Variants in CMSS1 observed in about 807,000 individuals in gnomAD.
The protein encoded by CMSS1 is cms1 ribosomal small subunit homolog.
CMSS1 carries 33 observed loss-of-function variants against 43.5 expected under a neutral mutation model. That is an observed-to-expected ratio of 0.76 (90% CI 0.57 to 1.01). CMSS1 has a LOEUF of 1.01. Ranked by LOEUF, CMSS1 falls within the 50% of genes least tolerant of loss-of-function variation. The pLI is 0.00. For synonymous variants in CMSS1, 115 were observed against 117.2 expected, an observed-to-expected ratio of 0.98 and a Z score of 0.12; for missense variants, 313 against 326.4, an observed-to-expected ratio of 0.96 and a Z score of 0.32.
intron 1 of CMSS1, among the ~76,000 whole-genome samples, chr3:100,054,031 A>G (rs2065419717): frequency 6.6e-6 from 1 of 152,220 alleles, no homozygotes; most frequent in Non-Finnish European, 1.5e-5. Flanking sequence ...TATTCTCCCC[A>G]AGGCTTTGAA....
intron 1 of CMSS1, among the ~76,000 whole-genome samples, chr3:99,980,816 TG>T (rs1709099550): frequency 6.6e-6 from 1 of 152,150 alleles, no homozygotes; most frequent in Admixed American, 6.5e-5. Context: ...GTGAGTGACA[TG>T]TTCTAGCTAT....
intron 1 of CMSS1, among the ~76,000 whole-genome samples, chr3:99,845,006 G>T (rs755661544): frequency 3.9e-5 from 6 of 152,118 alleles, no homozygotes; most frequent in Non-Finnish European, 8.8e-5. Flanking sequence ...ATTCTTTATA[G>T]CAGTATAAAA....
intron 1 of CMSS1, among the ~76,000 whole-genome samples, chr3:100,017,491 C>G (rs1240422770): frequency 6.6e-6 from 1 of 152,230 alleles, no homozygotes; most frequent in Non-Finnish European, 1.5e-5. Flanking sequence ...TACCTGGCAC[C>G]TACCAAATGA....
At chr3:99,964,319 C>T (rs1322214875) in intron 1 of CMSS1, 1 of 149,660 alleles carries the variant, frequency 6.7e-6, no homozygotes, top group Admixed American at 6.6e-5. Context: ...TTCTCCCTAG[C>T]CCAGTACAAG....
At chr3:100,051,291 G>A (rs1344343212) in intron 1 of CMSS1, 1 of 151,844 alleles carries the variant, frequency 6.6e-6, no homozygotes, top group Non-Finnish European at 1.5e-5. Context: ...GAATAATCCA[G>A]AAGACTGAAA....
Position 100,117,830 on chromosome 3 carries a change from TATATATATATATATATATATATAC to T in CMSS1, c.65-29119_65-29096del, listed in dbSNP as rs1348402302. 4.1e-4 allele frequency among the ~76,000 whole-genome samples: 36 copies of T among 87,762 alleles called. 1 individual carries two copies. The highest frequency in any genetic ancestry group is 1.2e-3 in the African/African-American group (23 of 19,000). 57.6% of individuals were successfully genotyped at this position (87,762 alleles called of 152,430 possible). ...CAATGGATAGATAAACTGCAGTATA[TATATATATATATATATATATATAC>T]ATATATATATATATATATATATATA... is the stretch of plus-strand genomic sequence containing the variant. On this transcript the variant is annotated intron_variant, in intron 1 of 9. Coordinates refer to ENST00000421999, the MANE Select transcript of CMSS1 (RefSeq NM_032359.4).
intron 1 of CMSS1, chr3:99,850,961 CAA>C: frequency 6.2e-7 from 1 of 1,614,160 alleles, no homozygotes; most frequent in Non-Finnish European, 8.5e-7. Flanking sequence ...ACCATCAAAG[CAA>C]AAGACTTCAG....
intron 1 of CMSS1, among the ~76,000 whole-genome samples, chr3:99,873,311 T>C (rs893544628): frequency 1.3e-5 from 2 of 152,224 alleles, no homozygotes; most frequent in Admixed American, 1.3e-4. Context: ...TCGTTTAAAA[T>C]TAATATGTCC....
At chr3:100,082,384 G>A (rs2065945886) in intron 1 of CMSS1, among the ~76,000 whole-genome samples, 1 of 152,126 alleles carries the variant, frequency 6.6e-6, no homozygotes, top group Non-Finnish European at 1.5e-5. Context: ...TGGGGAGAGA[G>A]GTCAAAATTT....
intron 1 of CMSS1, among the ~76,000 whole-genome samples, chr3:100,005,138 TACTC>T (rs1709952380): frequency 1.3e-5 from 2 of 152,218 alleles, no homozygotes; most frequent in African/African-American, 2.4e-5. Context: ...AACCTTATCT[TACTC>T]AAGGAAGTGG....
chr3:99,992,363 C>T (rs1423459688), intron 1 of CMSS1, among the ~76,000 whole-genome samples: 1 of 152,030 alleles, frequency 6.6e-6, no homozygotes, highest in African/African-American at 2.4e-5. Context: ...AATAGCCATT[C>T]TGACTGATAT....
chr3:99,914,289 T>C, intron 1 of CMSS1, among the ~76,000 whole-genome samples: 1 of 152,202 alleles, frequency 6.6e-6, no homozygotes, highest in Non-Finnish European at 1.5e-5. Context: ...ATGGAAGTTT[T>C]TTTATTTTTG....
At chr3:99,928,970 T>C (rs1288511899) in intron 1 of CMSS1, among the ~76,000 whole-genome samples, 1 of 152,236 alleles carries the variant, frequency 6.6e-6, no homozygotes, top group Non-Finnish European at 1.5e-5. Context: ...TCTCATGAGA[T>C]ACTAAAGACG....
At chr3:99,994,151 T>G (rs1165537902) in intron 1 of CMSS1, among the ~76,000 whole-genome samples, 1 of 152,214 alleles carries the variant, frequency 6.6e-6, no homozygotes, top group African/African-American at 2.4e-5. Context: ...TCAATCTTGC[T>G]ACTCATTATT....
At chr3:100,166,314 G>A in intron 4 of CMSS1, 21 bp from the exon 5 acceptor site, 1 of 1,521,212 alleles carries the variant, frequency 6.6e-7, no homozygotes, top group Non-Finnish European at 9.1e-7. Flanking sequence ...TATCTACAAA[G>A]CATGTTTATT....
At chr3:99,826,238 A>G (rs1942534082) in intron 1 of CMSS1, among the ~76,000 whole-genome samples, 1 of 152,192 alleles carries the variant, frequency 6.6e-6, no homozygotes, top group South Asian at 2.1e-4. Flanking sequence ...TTAAATGGCT[A>G]ATATTGCTTA....
At chr3:99,850,786 G>A (rs1943651097) in intron 1 of CMSS1, 3 of 1,614,124 alleles carry the variant, frequency 1.9e-6, no homozygotes, top group Non-Finnish European at 2.5e-6. Flanking sequence ...TGTGGTCTGC[G>A]TTTGCAGTTC....
intron 1 of CMSS1, among the ~76,000 whole-genome samples, chr3:100,111,447 T>C (rs1046622628): frequency 6.6e-6 from 1 of 152,234 alleles, no homozygotes; most frequent in African/African-American, 2.4e-5. Context: ...GGAATGGTAA[T>C]ACCTGCCTTT....
In CMSS1 at chr3:99,963,384, T is replaced by C. The variant is rs148320762; in HGVS notation, c.64+145341T>C. Among the ~76,000 whole-genome samples, 157 of 152,164 alleles carry C rather than the reference T, an allele frequency of 1.0e-3. 3 individuals carry two copies. The East Asian group carries it at 0.022, about 22-fold the overall frequency. ...CATGATCCGTGGAGCCTGTGCTATATAGGAAAAGAAGTAAAAATAAGAGTG... is the reference window on the plus strand; with the variant it reads ...CATGATCCGTGGAGCCTGTGCTATACAGGAAAAGAAGTAAAAATAAGAGTG... On this transcript the variant is annotated intron_variant, in intron 1 of 9. Coordinates refer to ENST00000421999, the MANE Select transcript of CMSS1 (RefSeq NM_032359.4).
Sources: gnomAD v4.1 joint callset for allele counts (sites outside exome capture counted in the v4.1 genomes callset) on GRCh38, gnomAD v4.1.1 for gene constraint, MANE v1.5 for transcripts, NCBI Gene and HGNC (gene_info 2026-07-23, HGNC 2026-07-21) for gene names.